The following ANP32A variants were observed in gnomAD, a reference collection of about 807,000 sequenced individuals.
ANP32A encodes the protein acidic nuclear phosphoprotein 32 family member A.
Under a neutral mutation model 33.9 loss-of-function variants are expected in ANP32A, and 1 was observed. The observed-to-expected ratio is 0.03, with a 90% CI of 0.01 to 0.14. ANP32A has a LOEUF of 0.14. Ranked by LOEUF, ANP32A falls within the 10% of genes least tolerant of loss-of-function variation. ANP32A has a pLI of 1.00. For missense variants in ANP32A, 155 were observed against 306.0 expected, an observed-to-expected ratio of 0.51 and a Z score of 3.68; for synonymous variants, 115 against 120.5, an observed-to-expected ratio of 0.95 and a Z score of 0.30.
intron 1 of ANP32A, among the ~76,000 whole-genome samples, chr15:68,806,938 C>T (rs1422882950): frequency 6.6e-6 from 1 of 152,238 alleles, no homozygotes; most frequent in African/African-American, 2.4e-5. Flanking sequence ...CAGAGCTCTT[C>T]TATGTCCCCA....
Position 68,779,911 on chromosome 15 carries a change from C to CA in ANP32A, c.*169dup. 2.0e-6 allele frequency: 1 copy of CA among 489,898 alleles called. No homozygotes were observed. 30.3% of individuals were successfully genotyped at this position (489,898 alleles called of 1,614,324 possible). ...AGTATTTTATTCCACCCCCACCCGC[C>CA]ATCCCTCCCCCCGCAACCCCCAGTA... is the stretch of plus-strand genomic sequence containing the variant. On this transcript the variant is annotated 3_prime_UTR_variant, in exon 7 of 7. Transcript: ENST00000465139.
At chr15:68,788,022 G>A in intron 1 of ANP32A, 103 bp from the exon 2 acceptor site, 1 of 1,385,084 alleles carries the variant, frequency 7.2e-7, no homozygotes, top group Non-Finnish European at 1.0e-6. Context: ...GACGCAGGAA[G>A]CAGTCAGTCA....
At chr15:68,817,337 G>C (rs1055958199) in intron 1 of ANP32A, 8 of 152,314 alleles carry the variant, frequency 5.3e-5, no homozygotes, top group African/African-American at 1.9e-4. Flanking sequence ...GGTTCCCCTA[G>C]CCTGCAGGGC....
intron 1 of ANP32A, among the ~76,000 whole-genome samples, chr15:68,796,065 C>T (rs1441179189): frequency 6.6e-6 from 1 of 152,152 alleles, no homozygotes; most frequent in Non-Finnish European, 1.5e-5. Context: ...GTACACGACC[C>T]AGTGAAAATC....
intron 3 of ANP32A, among the ~76,000 whole-genome samples, chr15:68,785,847 A>G (rs1893925064): frequency 1.3e-5 from 2 of 151,996 alleles, no homozygotes; most frequent in African/African-American, 4.8e-5. Context: ...TCACCCATAT[A>G]CAGAACTTCA....
Position 68,780,002 on chromosome 15 carries a change from A to C in ANP32A, c.*79T>G. 3.3e-6 allele frequency: 4 copies of C among 1,224,552 alleles called. No individual in the cohort carries two copies. The highest frequency in any genetic ancestry group is 4.5e-6 in the Non-Finnish European group (4 of 883,276). The allele number at this position is 1,224,552 out of a possible 1,614,324, so 75.9% of individuals were successfully genotyped here. A position where few individuals can be genotyped will look rare whatever the true frequency, so the allele number is the denominator to read the frequency against. ...AAAAAAATAAGTTTCAGGGGGCAGGATTGGAGGGGGGGGGGAGAGGGGATA... is the reference window on the plus strand; with the variant it reads ...AAAAAAATAAGTTTCAGGGGGCAGGCTTGGAGGGGGGGGGGAGAGGGGATA... On this transcript the variant is annotated 3_prime_UTR_variant, in exon 7 of 7. Coordinates refer to ENST00000465139, the MANE Select transcript of ANP32A (RefSeq NM_006305.4). This position sits in a 1 kb window ranked among gnomAD's most constrained non-coding sequence, Gnocchi z 4.3.
At chr15:68,788,454 G>A (rs1893960804) in intron 1 of ANP32A, among the ~76,000 whole-genome samples, 1 of 151,988 alleles carries the variant, frequency 6.6e-6, no homozygotes. Context: ...CCTGTCCTGA[G>A]GCAGGCGCAG....
At chr15:68,818,945 GGCGGCGCCCCCTCCTCTCCC>G (rs1894431398) in intron 1 of ANP32A, among the ~76,000 whole-genome samples, 1 of 151,744 alleles carries the variant, frequency 6.6e-6, no homozygotes, top group Non-Finnish European at 1.5e-5. Context: ...GGCCTCCACC[GGCGGCGCCCCCTCCTCTCCC>G]GCGGCCGCCC....
chr15:68,803,343 T>C (rs1047618228), intron 1 of ANP32A, among the ~76,000 whole-genome samples: 1 of 152,214 alleles, frequency 6.6e-6, no homozygotes, highest in African/African-American at 2.4e-5. Flanking sequence ...GAATGGGTCT[T>C]AGTGATGGCA....
Position 68,812,188 on chromosome 15 carries a change from G to A in ANP32A, c.54+8510C>T, listed in dbSNP as rs1254329388. Among the ~76,000 whole-genome samples the A allele has an allele frequency of 3.3e-5, 5 of 152,354 alleles. No individual in the cohort carries two copies. The East Asian group carries it at 9.6e-4, about 29-fold the overall frequency. ...CATTTTGCGGAGACAAAAAGGGAAG[G>A]TGCCCTGAGAGGGGCGTGCCCAAGT... On this transcript the variant is annotated intron_variant, in intron 1 of 6. Transcript: ENST00000465139.
chr15:68,812,049 T>C (rs75542729), intron 1 of ANP32A, among the ~76,000 whole-genome samples: 2 of 138,246 alleles, frequency 1.4e-5, no homozygotes, highest in African/African-American at 5.1e-5. Context: ...TTTTTTTTTT[T>C]TAAGTGAATG....
chr15:68,816,274 A>C (rs889716997), intron 1 of ANP32A, among the ~76,000 whole-genome samples: 2 of 152,214 alleles, frequency 1.3e-5, no homozygotes, highest in African/African-American at 4.8e-5. Context: ...AGGGTGTTTC[A>C]AAGGAGGCAG....
At chr15:68,816,415 C>T (rs1894382718) in intron 1 of ANP32A, among the ~76,000 whole-genome samples, 2 of 152,082 alleles carry the variant, frequency 1.3e-5, no homozygotes, top group Non-Finnish European at 1.5e-5. Flanking sequence ...TAATACCTAC[C>T]TCATAGTGCT....
intron 1 of ANP32A, among the ~76,000 whole-genome samples, chr15:68,810,270 G>A (rs1300917976): frequency 1.3e-5 from 2 of 152,212 alleles, no homozygotes; most frequent in Non-Finnish European, 2.9e-5. Context: ...TTACATGTGT[G>A]TTTTGATAAG....
intron 1 of ANP32A, among the ~76,000 whole-genome samples, chr15:68,816,519 A>G (rs1214246080): frequency 6.6e-6 from 1 of 152,212 alleles, no homozygotes; most frequent in African/African-American, 2.4e-5. Flanking sequence ...TAATATTGTT[A>G]TTATCCTAAA....
intron 1 of ANP32A, among the ~76,000 whole-genome samples, chr15:68,794,335 G>C (rs1179264273): frequency 6.6e-6 from 1 of 152,148 alleles, no homozygotes; most frequent in Non-Finnish European, 1.5e-5. Flanking sequence ...GCTTAAAACC[G>C]ACCCCTTTGG....
intron 1 of ANP32A, among the ~76,000 whole-genome samples, chr15:68,805,785 C>A (rs564955547): frequency 1.3e-5 from 2 of 152,308 alleles, no homozygotes; most frequent in South Asian, 4.1e-4. Context: ...CTGGACCACC[C>A]ATCTCCTTTA....
intron 1 of ANP32A, among the ~76,000 whole-genome samples, chr15:68,808,803 C>G (rs529127201): frequency 2.6e-4 from 39 of 152,334 alleles, no homozygotes; most frequent in African/African-American, 9.1e-4. Flanking sequence ...ACGAATTCTA[C>G]AGGAGGCAGC....
At chr15:68,788,261 T>C (rs1306349898) in intron 1 of ANP32A, among the ~76,000 whole-genome samples, 1 of 152,208 alleles carries the variant, frequency 6.6e-6, no homozygotes, top group Admixed American at 6.5e-5. Context: ...ATTCCAACCC[T>C]GCTCTCGCAT....
Sources: gnomAD v4.1 joint callset for allele counts (sites outside exome capture counted in the v4.1 genomes callset) on GRCh38, gnomAD v4.1.1 for gene constraint, Gnocchi (gnomAD v3.1) non-coding constraint, MANE v1.5 for transcripts, NCBI Gene and HGNC (gene_info 2026-07-23, HGNC 2026-07-21) for gene names.